Variants in SNAP91 observed in about 807,000 individuals in gnomAD.
The protein encoded by SNAP91 is synaptosome associated protein 91.
In SNAP91, 27 loss-of-function variants were observed where a neutral mutation model predicts 100.3. That is an observed-to-expected ratio of 0.27 (90% CI 0.20 to 0.37). The LOEUF (loss-of-function observed/expected upper bound fraction) is 0.37, where lower values mean the gene tolerates loss of function less well. SNAP91 is among the 10% of genes least tolerant of loss of function. The pLI is 1.00. For synonymous variants in SNAP91, 404 were observed against 398.6 expected (o/e 1.01, Z -0.16); for missense variants, 986 against 1,123.7 (o/e 0.88, Z 1.75).
rs1197379757 is a variant in SNAP91, at chr6:83,554,267, TCA to T, written c.*27_*28del. ...TCTCCAAACTCATTTATTTTCCTAT[TCA>T]GTCACAAATATTGCAGCTGTAAAGA... On this transcript the variant is annotated 3_prime_UTR_variant, in exon 30 of 30. Coordinates refer to ENST00000369694, the MANE Select transcript of SNAP91 (RefSeq NM_001242792.2). The T allele has an allele frequency of 3.3e-6, 1 of 305,514 alleles. No homozygotes were observed. The highest frequency in any genetic ancestry group is 2.3e-5 in the African/African-American group (1 of 43,538). 18.9% of individuals were successfully genotyped at this position (305,514 alleles called of 1,614,324 possible).
At chr6:83,561,580 T>C (rs1787800315) in intron 26 of SNAP91, among the ~76,000 whole-genome samples, 1 of 152,174 alleles carries the variant, frequency 6.6e-6, no homozygotes, top group African/African-American at 2.4e-5. Flanking sequence ...TGTATCTTTT[T>C]AGACCCATCC....
intron 8 of SNAP91, among the ~76,000 whole-genome samples, chr6:83,630,061 C>T (rs912175740): frequency 3.9e-5 from 6 of 151,902 alleles, no homozygotes; most frequent in Admixed American, 6.6e-5. Flanking sequence ...TAATCATAAA[C>T]GGATGCTGGA....
intron 6 of SNAP91, among the ~76,000 whole-genome samples, chr6:83,658,236 T>C (rs970993504): frequency 6.6e-6 from 1 of 152,186 alleles, no homozygotes; most frequent in Non-Finnish European, 1.5e-5. Flanking sequence ...ACCAGGATAT[T>C]GACAATGAAA....
chr6:83,568,476 TATAATAATAATA>T (rs56267925), intron 26 of SNAP91, among the ~76,000 whole-genome samples: 3,415 of 147,508 alleles, frequency 0.023, 141 homozygotes, highest in African/African-American at 0.078. Context: ...CACATTAAAG[TATAATAATAATA>T]ATAATAATAA....
Position 83,616,995 on chromosome 6 carries a change from T to C in SNAP91, c.852A>G (p.Thr284=). 6.5e-7 allele frequency: 1 copy of C among 1,548,090 alleles called. No homozygotes were observed. The highest frequency in any genetic ancestry group is 8.7e-7 in the Non-Finnish European group (1 of 1,145,000). Residue 284 remains threonine (T), a synonymous_variant, in exon 10 of 30, where the codon ACA becomes ACG. Coordinates refer to ENST00000369694, the MANE Select transcript of SNAP91 (RefSeq NM_001242792.2). The part of the protein sequence containing the change: ...LMETLEQHLN[T]LEGKKPGNNE... The stretch of plus-strand genomic sequence containing the variant: ...TGTTTCCAGGTTTCTTTCCTTCTAA[T>C]GTATTTAGATGCTGTTCAAGCGTCT...
chr6:83,631,451 C>T (rs2097200503), intron 8 of SNAP91, among the ~76,000 whole-genome samples: 1 of 151,994 alleles, frequency 6.6e-6, no homozygotes, highest in South Asian at 2.1e-4. Context: ...TTGAAGTCCC[C>T]CACTATTATT....
chr6:83,700,958 T>G (rs2099291183), intron 2 of SNAP91, among the ~76,000 whole-genome samples: 1 of 152,114 alleles, frequency 6.6e-6, no homozygotes, highest in Non-Finnish European at 1.5e-5. Context: ...AACTCTCAAG[T>G]TAGTGACTTG....
At chr6:83,584,973 T>C (rs1243218765) in intron 22 of SNAP91, among the ~76,000 whole-genome samples, 1 of 152,186 alleles carries the variant, frequency 6.6e-6, no homozygotes, top group East Asian at 1.9e-4. Context: ...TCGGTTCTTA[T>C]GAAGTAAGTG....
chr6:83,568,700 A>G (rs1312766914), intron 26 of SNAP91, among the ~76,000 whole-genome samples: 1 of 152,154 alleles, frequency 6.6e-6, no homozygotes, highest in Admixed American at 6.5e-5. Flanking sequence ...GAAGCAATTA[A>G]GGGAAATTTG....
intron 9 of SNAP91, among the ~76,000 whole-genome samples, chr6:83,617,789 C>A (rs540297606): frequency 8.6e-5 from 13 of 151,790 alleles, no homozygotes; most frequent in African/African-American, 3.1e-4. Flanking sequence ...AATAGGTTCA[C>A]GCAAATTTTT....
chr6:83,603,528 T>A (rs191183221), intron 14 of SNAP91, among the ~76,000 whole-genome samples: 97 of 152,236 alleles, frequency 6.4e-4, no homozygotes, highest in Admixed American at 1.3e-3. Flanking sequence ...TCAGTTTTTT[T>A]AATCCAACTG....
At chr6:83,583,797 A>G (rs561849765) in intron 22 of SNAP91, among the ~76,000 whole-genome samples, 2 of 152,350 alleles carry the variant, frequency 1.3e-5, no homozygotes, top group East Asian at 3.9e-4. Context: ...GATTTCCACT[A>G]AAATTATCTA....
At chr6:83,620,924 C>T (rs1482371541) in intron 9 of SNAP91, among the ~76,000 whole-genome samples, 2 of 151,690 alleles carry the variant, frequency 1.3e-5, no homozygotes, top group Non-Finnish European at 2.9e-5. Flanking sequence ...ACCGTGGTCT[C>T]GATCTCCTGA....
At chr6:83,659,373 G>T (rs571371134) in intron 5 of SNAP91, among the ~76,000 whole-genome samples, 2 of 151,388 alleles carry the variant, frequency 1.3e-5, no homozygotes, top group East Asian at 3.9e-4. Flanking sequence ...TTTATGAATG[G>T]ATTTTTCTAA....
At chr6:83,611,766 A>G (rs1269160053) in intron 11 of SNAP91, among the ~76,000 whole-genome samples, 1 of 150,180 alleles carries the variant, frequency 6.7e-6, no homozygotes, top group Non-Finnish European at 1.5e-5. Context: ...GCGCAATCTC[A>G]GCTCACTGCA....
At chr6:83,585,232 G>T (rs2092249251) in intron 22 of SNAP91, among the ~76,000 whole-genome samples, 1 of 152,020 alleles carries the variant, frequency 6.6e-6, no homozygotes, top group Non-Finnish European at 1.5e-5. Flanking sequence ...CGTTTAGCTG[G>T]GTATGGTGGT....
At chr6:83,643,926 T>A (rs2097811559) in intron 7 of SNAP91, among the ~76,000 whole-genome samples, 1 of 152,212 alleles carries the variant, frequency 6.6e-6, no homozygotes, top group Non-Finnish European at 1.5e-5. Context: ...CACTCTGTCC[T>A]GTTTTCTAAT....
At chr6:83,647,078 G>GT (rs34565370) in intron 7 of SNAP91, among the ~76,000 whole-genome samples, 81,814 of 145,810 alleles carry the variant, frequency 0.56, 22,881 homozygotes, top group Middle Eastern at 0.74. Context: ...AGTTCCAGGA[G>GT]TTTTTTTTTT....
intron 7 of SNAP91, among the ~76,000 whole-genome samples, chr6:83,648,533 T>C (rs57132343): frequency 2.6e-4 from 39 of 152,278 alleles, no homozygotes; most frequent in African/African-American, 8.9e-4. Context: ...ACAGTAAATG[T>C]AAAATGGTAA....
Sources: allele counts gnomAD v4.1 joint callset (sites outside exome capture counted in the v4.1 genomes callset), GRCh38; gene constraint gnomAD v4.1.1; transcripts MANE v1.5; gene names NCBI Gene and HGNC (gene_info 2026-07-23, HGNC 2026-07-21).